SNTG1: variants seen among roughly 807,000 people sequenced by gnomAD.
SNTG1 encodes the protein syntrophin gamma 1.
SNTG1 carries 39 observed loss-of-function variants against 74.7 expected under a neutral mutation model. The ratio of observed to expected loss-of-function variants is 0.52; its 90% CI spans 0.40 to 0.68. SNTG1 has a LOEUF of 0.68. Among genes scored for constraint, SNTG1 ranks in the 30% least tolerant of loss-of-function variants. SNTG1 has a pLI of 0.00. For synonymous variants in SNTG1, 254 were observed against 217.1 expected, an observed-to-expected ratio of 1.17 and a Z score of -1.49; for missense variants, 685 against 609.5, an observed-to-expected ratio of 1.12 and a Z score of -1.30.
intron 12 of SNTG1, among the ~76,000 whole-genome samples, chr8:50,571,439 A>G (rs534034293): frequency 1.3e-5 from 2 of 152,354 alleles, no homozygotes; most frequent in East Asian, 3.9e-4. Flanking sequence ...CTCTTGCTCA[A>G]TAGACGAGCT....
intron 1 of SNTG1, among the ~76,000 whole-genome samples, chr8:50,029,786 T>G (rs573709663): frequency 6.6e-6 from 1 of 152,298 alleles, no homozygotes; most frequent in South Asian, 2.1e-4. Context: ...TCTTGACTAT[T>G]GTCAATAGTG....
At chr8:49,944,285 G>C (rs1453779254) in intron 1 of SNTG1, among the ~76,000 whole-genome samples, 1 of 152,046 alleles carries the variant, frequency 6.6e-6, no homozygotes, top group African/African-American at 2.4e-5. Flanking sequence ...AGGCTGTAGG[G>C]TGTGAGTCTA....
intron 2 of SNTG1, among the ~76,000 whole-genome samples, chr8:50,310,855 T>C (rs904392369): frequency 2.6e-5 from 4 of 152,226 alleles, no homozygotes; most frequent in Non-Finnish European, 4.4e-5. Flanking sequence ...ATTTCCCATA[T>C]ATAAAGAATG....
chr8:50,786,825 A>T (rs780850471), intron 18 of SNTG1, among the ~76,000 whole-genome samples: 24 of 152,010 alleles, frequency 1.6e-4, no homozygotes, highest in Non-Finnish European at 3.2e-4. Flanking sequence ...CTCATACCAT[A>T]AAAAATTACT....
chr8:50,045,696 A>G (rs543353022), intron 1 of SNTG1, among the ~76,000 whole-genome samples: 1 of 152,324 alleles, frequency 6.6e-6, no homozygotes, highest in East Asian at 1.9e-4. Flanking sequence ...CCCCACAAAA[A>G]TGATTACATA....
chr8:50,347,297 A>G lies in SNTG1; in HGVS notation c.-27-46915A>G, dbSNP rs2091509566. 1.3e-5 allele frequency among the ~76,000 whole-genome samples: 2 copies of G among 152,226 alleles called. 1 individual carries two copies. Among genetic ancestry groups the G allele is most frequent in the South Asian group, 4.1e-4 (2 of 4,836 alleles). ...ACTCTGCCTGTGCTCAAGAAATGAA[A>G]AAACAAATCCTGAGTAGCAGCACAT... is the stretch of plus-strand genomic sequence containing the variant. On this transcript the variant is annotated intron_variant, in intron 2 of 18. Coordinates refer to ENST00000642720, the MANE Select transcript of SNTG1 (RefSeq NM_018967.5).
At chr8:49,938,277 A>G (rs1390633058) in intron 1 of SNTG1, among the ~76,000 whole-genome samples, 20 of 152,208 alleles carry the variant, frequency 1.3e-4, no homozygotes, top group Non-Finnish European at 2.9e-4. Context: ...GTGTTCCCAA[A>G]TAACAGGATC....
In SNTG1 at chr8:50,552,644, G is replaced by A. The variant is rs184994942; in HGVS notation, c.681-406G>A. ...TTAATATTTTATTGCCTGTTTTTAC[G>A]ATCTTTCTAAGTCAGAAAATGCATT... is the stretch of plus-strand genomic sequence containing the variant. On this transcript the variant is annotated intron_variant, in intron 11 of 18. Transcript: ENST00000642720. Among the ~76,000 whole-genome samples, 330 of 152,178 alleles carry A rather than the reference G, an allele frequency of 2.2e-3. 2 individuals are homozygous for A. Among genetic ancestry groups the A allele is most frequent in the South Asian group, 4.8e-3 (23 of 4,812 alleles).
chr8:50,351,921 A>G (rs1423895703), intron 2 of SNTG1, among the ~76,000 whole-genome samples: 3 of 152,228 alleles, frequency 2.0e-5, no homozygotes, highest in East Asian at 3.8e-4. Context: ...ATTAAAAATA[A>G]ATATTGAGAA....
At chr8:49,983,398 T>C (rs1812858405) in intron 1 of SNTG1, among the ~76,000 whole-genome samples, 3 of 152,250 alleles carry the variant, frequency 2.0e-5, no homozygotes, top group African/African-American at 7.2e-5. Flanking sequence ...ATATCATTTA[T>C]ACTGCATTCA....
intron 2 of SNTG1, among the ~76,000 whole-genome samples, chr8:50,314,203 AT>A (rs774692592): frequency 6.7e-6 from 1 of 148,462 alleles, no homozygotes; most frequent in Non-Finnish European, 1.5e-5. Flanking sequence ...TTTTTATTTA[AT>A]TTTCTTGAGT....
In SNTG1 at chr8:50,161,548, C is replaced by T. The variant is rs544204446; in HGVS notation, c.-102-11013C>T. The stretch of plus-strand genomic sequence containing the variant: ...AGTGTCCATGTGCTGATTCTAGGGA[C>T]TTTCCAAGAGGACCTGATAGTGTGT... On this transcript the variant is annotated intron_variant, in intron 1 of 18. Transcript: ENST00000642720. Among the ~76,000 whole-genome samples the T allele has an allele frequency of 7.9e-5, 12 of 152,098 alleles. No homozygotes were observed. In the East Asian group the frequency reaches 2.1e-3, roughly 27 times the overall value.
At chr8:50,745,017 A>G (rs1230472495) in intron 17 of SNTG1, among the ~76,000 whole-genome samples, 1 of 151,984 alleles carries the variant, frequency 6.6e-6, no homozygotes, top group Non-Finnish European at 1.5e-5. Context: ...TATGACGCCG[A>G]AAGCTCAGGC....
intron 1 of SNTG1, among the ~76,000 whole-genome samples, chr8:49,981,001 G>A (rs1000866893): frequency 5.9e-5 from 9 of 152,184 alleles, no homozygotes; most frequent in African/African-American, 2.2e-4. Context: ...TGAGCCCCAT[G>A]CACACAGAAG....
At chr8:50,416,342 A>G (rs925809456) in intron 4 of SNTG1, among the ~76,000 whole-genome samples, 59 of 152,278 alleles carry the variant, frequency 3.9e-4, no homozygotes, top group African/African-American at 1.3e-3. Flanking sequence ...ATTCCATTCT[A>G]AAACACTAAG....
chr8:50,626,721 G>A (rs2094958828), intron 13 of SNTG1, among the ~76,000 whole-genome samples: 1 of 152,072 alleles, frequency 6.6e-6, no homozygotes, highest in Non-Finnish European at 1.5e-5. Context: ...CCTTGGGTGG[G>A]CCAGGTGTTC....
intron 2 of SNTG1, among the ~76,000 whole-genome samples, chr8:50,376,337 A>C (rs1045833559): frequency 2.0e-5 from 3 of 152,192 alleles, no homozygotes; most frequent in Admixed American, 6.5e-5. Context: ...TACATGTCCC[A>C]GAATGGGTAA....
chr8:50,115,316 C>T lies in SNTG1; in HGVS notation c.-102-57245C>T, dbSNP rs146144560. On this transcript the variant is annotated intron_variant, in intron 1 of 18. Transcript: ENST00000642720. ...GTGCCATGGCTCATGCCTGTAATCC[C>T]AGCACTTTGGGAGGCCGAGGTGGGT... 4.3e-3 allele frequency among the ~76,000 whole-genome samples: 656 copies of T among 151,910 alleles called. 9 individuals carry two copies. The highest frequency in any genetic ancestry group is 0.027 in the East Asian group (140 of 5,110).
At chr8:49,979,838 GT>G (rs1372343483) in intron 1 of SNTG1, among the ~76,000 whole-genome samples, 2 of 152,346 alleles carry the variant, frequency 1.3e-5, no homozygotes, top group African/African-American at 4.8e-5. Flanking sequence ...GTGCGTGTGT[GT>G]GCAGGGAAAC....
Sources: gnomAD v4.1 joint callset for allele counts (sites outside exome capture counted in the v4.1 genomes callset) on GRCh38, gnomAD v4.1.1 for gene constraint, MANE v1.5 for transcripts, NCBI Gene and HGNC (gene_info 2026-07-23, HGNC 2026-07-21) for gene names.